The following CRADD variants were observed in gnomAD, a reference collection of about 807,000 sequenced individuals.
The protein encoded by CRADD is death domain-containing protein CRADD.
CRADD carries 9 observed loss-of-function variants against 15.5 expected under a neutral mutation model. That is an observed-to-expected ratio of 0.58 (90% confidence interval 0.35 to 1.01). The LOEUF is 1.01. CRADD is among the 50% of genes least tolerant of loss of function. The pLI, the probability that CRADD is intolerant of heterozygous loss-of-function variation, is 0.02. For synonymous variants in CRADD, 118 were observed against 107.6 expected (o/e 1.10, Z -0.60); for missense variants, 227 against 250.3 (o/e 0.91, Z 0.63).
intron 2 of CRADD, among the ~76,000 whole-genome samples, chr12:93,691,618 G>A (rs1955576043): frequency 6.6e-6 from 1 of 152,140 alleles, no homozygotes; most frequent in South Asian, 2.1e-4. Flanking sequence ...GGTAAAAGAG[G>A]TCTCTAAGTA....
intron 2 of CRADD, chr12:93,893,917 AAAT>A (rs1958594274): frequency 3.2e-6 from 2 of 628,278 alleles, no homozygotes; most frequent in African/African-American, 3.7e-5. Context: ...AAAAAAAAAA[AAAT>A]AAGCACTAGA....
intron 2 of CRADD, among the ~76,000 whole-genome samples, chr12:93,829,984 G>T (rs866862526): frequency 6.6e-6 from 1 of 152,094 alleles, no homozygotes. Flanking sequence ...CAGCCACCAC[G>T]CCCGGCGGTT....
intron 2 of CRADD, among the ~76,000 whole-genome samples, chr12:93,774,507 G>A (rs1381908003): frequency 6.6e-6 from 1 of 152,132 alleles, no homozygotes; most frequent in East Asian, 1.9e-4. Flanking sequence ...AAATATCATT[G>A]TTTTCTGCCA....
chr12:93,827,668 C>T (rs1957838942), intron 2 of CRADD, among the ~76,000 whole-genome samples: 1 of 152,090 alleles, frequency 6.6e-6, no homozygotes, highest in Non-Finnish European at 1.5e-5. Flanking sequence ...TTTTATGATT[C>T]TATCAGCAGT....
intron 2 of CRADD, among the ~76,000 whole-genome samples, chr12:93,855,837 G>A (rs917965392): frequency 6.6e-6 from 1 of 151,690 alleles, no homozygotes; most frequent in Non-Finnish European, 1.5e-5. Context: ...TTTCTTTTTT[G>A]AGACGGAGTC....
chr12:93,814,910 T>C (rs1226741822), intron 2 of CRADD, among the ~76,000 whole-genome samples: 1 of 152,220 alleles, frequency 6.6e-6, no homozygotes, highest in African/African-American at 2.4e-5. Flanking sequence ...TTTTGTATGA[T>C]TTTGCCCCAC....
chr12:93,846,121 C>A (rs1426488044), intron 2 of CRADD, among the ~76,000 whole-genome samples: 1 of 152,218 alleles, frequency 6.6e-6, no homozygotes, highest in East Asian at 1.9e-4. Context: ...GAATTTCCAT[C>A]CTTTTTAAGG....
At chr12:93,711,300 C>G (rs1284602662) in intron 2 of CRADD, among the ~76,000 whole-genome samples, 1 of 151,984 alleles carries the variant, frequency 6.6e-6, no homozygotes, top group Non-Finnish European at 1.5e-5. Context: ...CAGAGGGAAG[C>G]TTGAGTTACT....
intron 2 of CRADD, chr12:93,837,247 TTTTGTTTGTTTG>T (rs528088787): frequency 1.5e-4 from 18 of 121,580 alleles, no homozygotes; most frequent in African/African-American, 4.4e-4. Context: ...CATTTCACGT[TTTTGTTTGTTTG>T]TTTGTTTGTT....
At chr12:93,739,697 A>G (rs60821314) in intron 2 of CRADD, among the ~76,000 whole-genome samples, 13,199 of 152,198 alleles carry the variant, frequency 0.087, 1,372 homozygotes, top group African/African-American at 0.24. Context: ...GATCTTGGAC[A>G]TAGTCTTCTG....
intron 2 of CRADD, among the ~76,000 whole-genome samples, chr12:93,684,036 G>T (rs1455871319): frequency 6.6e-6 from 1 of 152,192 alleles, no homozygotes. Context: ...AGAGTCTGCA[G>T]AGGGCCCAGG....
intron 2 of CRADD, among the ~76,000 whole-genome samples, chr12:93,769,852 C>T (rs541438633): frequency 6.6e-6 from 1 of 152,298 alleles, no homozygotes; most frequent in East Asian, 1.9e-4. Context: ...AACTGTCAGA[C>T]ATTTTCTCAT....
chr12:93,718,713 G>A (rs911356986), intron 2 of CRADD, among the ~76,000 whole-genome samples: 1 of 151,158 alleles, frequency 6.6e-6, no homozygotes, highest in East Asian at 1.9e-4. Flanking sequence ...TGGTAATAAC[G>A]GACATCCTTG....
At chr12:93,809,269 A>C (rs1282527701) in intron 2 of CRADD, among the ~76,000 whole-genome samples, 2 of 152,186 alleles carry the variant, frequency 1.3e-5, no homozygotes, top group Admixed American at 1.3e-4. Flanking sequence ...TAAAATGTTT[A>C]TCATTTAAAT....
chr12:93,778,800 T>C (rs1957168347), intron 2 of CRADD, among the ~76,000 whole-genome samples: 1 of 151,846 alleles, frequency 6.6e-6, no homozygotes, highest in Non-Finnish European at 1.5e-5. Context: ...TGTATTAGAA[T>C]TTCTTTTTGT....
chr12:93,893,552 A>C (rs536749318), intron 2 of CRADD, among the ~76,000 whole-genome samples: 19 of 152,210 alleles, frequency 1.2e-4, no homozygotes, highest in Non-Finnish European at 2.2e-4. Flanking sequence ...TTAATTTAAG[A>C]GTCACGGGGA....
rs570304034 is a variant in CRADD at position 93,680,856 on chromosome 12, C to CTGT, written c.298+1788_298+1790dup. ...GTCATTTTGGGTGATACAGATCATGCTGTTGTATGTCATTCGTAGAGGTAT... is the reference window on the plus strand; with the variant it reads ...GTCATTTTGGGTGATACAGATCATGCTGTTGTTGTATGTCATTCGTAGAGGTAT... On this transcript the variant is annotated intron_variant, in intron 2 of 2. Transcript: ENST00000332896. 9.2e-5 allele frequency among the ~76,000 whole-genome samples: 14 copies of CTGT among 152,024 alleles called. No individual in the cohort carries two copies. In the East Asian group the frequency reaches 2.3e-3, roughly 25 times the overall value.
chr12:93,682,467 G>A lies in CRADD; in HGVS notation c.298+3395G>A, dbSNP rs75563332. ...AATGGCCTTCTTTTTTAGCCAAGACGTTGATCCTTCTCTAAGAATGAACTG... is the reference window on the plus strand; with the variant it reads ...AATGGCCTTCTTTTTTAGCCAAGACATTGATCCTTCTCTAAGAATGAACTG... On this transcript the variant is annotated intron_variant, in intron 2 of 2. Transcript: ENST00000332896. Among the ~76,000 whole-genome samples, 293 of 152,310 alleles carry A rather than the reference G, an allele frequency of 1.9e-3. 4 individuals carry two copies. The highest frequency in any genetic ancestry group is 2.9e-3 in the Non-Finnish European group (196 of 68,030).
chr12:93,715,338 C>T (rs549756429), intron 2 of CRADD, among the ~76,000 whole-genome samples: 3 of 152,096 alleles, frequency 2.0e-5, no homozygotes, highest in Non-Finnish European at 4.4e-5. Context: ...AGTTATTTGT[C>T]ACAAAAATAC....
Sources: gnomAD v4.1 joint callset for allele counts (sites outside exome capture counted in the v4.1 genomes callset) on GRCh38, gnomAD v4.1.1 for gene constraint, MANE v1.5 for transcripts, NCBI Gene and HGNC (gene_info 2026-07-23, HGNC 2026-07-21) for gene names.